The following TRABD2B variants were observed in gnomAD, a reference collection of about 807,000 sequenced individuals.
TRABD2B encodes TraB domain containing 2B.
Under a neutral mutation model 40.1 loss-of-function variants are expected in TRABD2B, and 14 were observed. That is an observed-to-expected ratio of 0.35 (90% confidence interval 0.23 to 0.55). The LOEUF (loss-of-function observed/expected upper bound fraction) is 0.55, where lower values mean the gene tolerates loss of function less well. Ranked by LOEUF, TRABD2B falls within the 20% of genes least tolerant of loss-of-function variation. TRABD2B has a pLI of 0.90. For synonymous variants in TRABD2B, 263 were observed against 277.0 expected, an observed-to-expected ratio of 0.95 and a Z score of 0.50; for missense variants, 541 against 648.6, an observed-to-expected ratio of 0.83 and a Z score of 1.80.
rs185611638 is a variant in TRABD2B, at chr1:47,782,646, C to T, written c.989-4102G>A. ...GGATCTCCTCTTCTTGTAACTCAGC[C>T]CTGCCCCTTGGTGGTGCTCCTCCAG... On this transcript the variant is annotated intron_variant, in intron 4 of 6. Coordinates refer to ENST00000606738, the MANE Select transcript of TRABD2B (RefSeq NM_001194986.2). Among the ~76,000 whole-genome samples, 809 of 152,296 alleles carry T rather than the reference C, an allele frequency of 5.3e-3. 3 individuals are homozygous for T. Among genetic ancestry groups the T allele is most frequent in the Non-Finnish European group, 4.9e-3 (333 of 68,034 alleles).
intron 2 of TRABD2B, among the ~76,000 whole-genome samples, chr1:47,835,087 G>T (rs1201303699): frequency 1.3e-5 from 2 of 152,074 alleles, no homozygotes; most frequent in Non-Finnish European, 2.9e-5. Context: ...TAAATAAACA[G>T]AAATTATTTT....
chr1:47,964,093 G>A (rs1482196897), intron 2 of TRABD2B, among the ~76,000 whole-genome samples: 1 of 152,120 alleles, frequency 6.6e-6, no homozygotes, highest in Non-Finnish European at 1.5e-5. Flanking sequence ...AACAAACCCT[G>A]GTGAAAAGAA....
chr1:47,986,230 A>G (rs1412082032), intron 2 of TRABD2B, among the ~76,000 whole-genome samples: 1 of 152,184 alleles, frequency 6.6e-6, no homozygotes, highest in African/African-American at 2.4e-5. Flanking sequence ...ACAGGGACCC[A>G]TGAATGTTAC....
chr1:47,810,503 G>A (rs1644950189), intron 2 of TRABD2B, among the ~76,000 whole-genome samples: 1 of 152,226 alleles, frequency 6.6e-6, no homozygotes, highest in African/African-American at 2.4e-5. Flanking sequence ...CCCTGAGGCA[G>A]AGCAGGCCTG....
intron 2 of TRABD2B, among the ~76,000 whole-genome samples, chr1:47,812,420 C>T (rs930844351): frequency 1.3e-5 from 2 of 152,130 alleles, no homozygotes; most frequent in African/African-American, 2.4e-5. Context: ...AGATGAGTAG[C>T]GTTGAGAAGG....
At chr1:47,987,121 C>G (rs765007323) in intron 2 of TRABD2B, among the ~76,000 whole-genome samples, 1 of 152,156 alleles carries the variant, frequency 6.6e-6, no homozygotes, top group African/African-American at 2.4e-5. Flanking sequence ...AACAAAGGCA[C>G]GCTCCCATTT....
chr1:47,997,295 C>A lies in TRABD2B; in HGVS notation c.-506G>T. The A allele has an allele frequency of 1.1e-6, 1 of 896,440 alleles. No homozygotes were observed. The highest frequency in any genetic ancestry group is 1.8e-5 in the African/African-American group (1 of 54,402). The allele number at this position is 896,440 out of a possible 1,614,324, so 55.5% of individuals were successfully genotyped here. On this transcript the variant is annotated 5_prime_UTR_variant, in exon 1 of 7. Transcript: ENST00000606738. ...GGCGGCTCTGGGGCGACCGGCTGCC[C>A]CCGAGCCCGGCTCAGAGGGGCGGCG...
At position 47,778,554 on chromosome 1, in the gene TRABD2B, A is replaced by C; in HGVS notation, c.989-10T>G. 1 of 1,533,322 alleles carries C rather than the reference A, an allele frequency of 6.5e-7. No homozygotes were observed. The allele number at this position is 1,533,322 out of a possible 1,614,324, so 95.0% of individuals were successfully genotyped here. ...TTCCCCAGAAAGTGACCTGGAACAC[A>C]AGTGACAAAAGGGGCTCAGCCACAT... is the stretch of plus-strand genomic sequence containing the variant. On this transcript the variant is annotated splice_polypyrimidine_tract_variant and intron_variant, in intron 4 of 6. Coordinates refer to ENST00000606738, the MANE Select transcript of TRABD2B (RefSeq NM_001194986.2).
intron 2 of TRABD2B, among the ~76,000 whole-genome samples, chr1:47,942,748 G>T (rs1645204709): frequency 6.6e-6 from 1 of 152,136 alleles, no homozygotes; most frequent in South Asian, 2.1e-4. Context: ...AACAACCTAG[G>T]AGGCAGATAC....
At chr1:47,816,545 G>C (rs142593687) in intron 2 of TRABD2B, among the ~76,000 whole-genome samples, 1 of 152,090 alleles carries the variant, frequency 6.6e-6, no homozygotes, top group African/African-American at 2.4e-5. Context: ...TGGTCCTTCT[G>C]CCCGGTATGC....
At chr1:47,942,549 G>A (rs1035980596) in intron 2 of TRABD2B, among the ~76,000 whole-genome samples, 1 of 152,092 alleles carries the variant, frequency 6.6e-6, no homozygotes, top group Non-Finnish European at 1.5e-5. Flanking sequence ...ACACTCTCAG[G>A]ACATCCCTCA....
intron 4 of TRABD2B, among the ~76,000 whole-genome samples, chr1:47,782,562 A>G (rs938082828): frequency 2.0e-5 from 3 of 152,010 alleles, no homozygotes; most frequent in Non-Finnish European, 4.4e-5. Context: ...GAGTGAAAAA[A>G]CCTGTTACTC....
At chr1:47,937,997 T>C (rs142500765) in intron 2 of TRABD2B, among the ~76,000 whole-genome samples, 1 of 152,258 alleles carries the variant, frequency 6.6e-6, no homozygotes, top group Non-Finnish European at 1.5e-5. Context: ...TCTCCAACAA[T>C]ATTATGATTC....
chr1:47,963,700 T>C (rs1394749858), intron 2 of TRABD2B, among the ~76,000 whole-genome samples: 6 of 152,242 alleles, frequency 3.9e-5, no homozygotes, highest in Non-Finnish European at 7.3e-5. Flanking sequence ...AGTGCCTTGC[T>C]TGCATGTGTG....
At chr1:47,965,211 T>G (rs1220760235) in intron 2 of TRABD2B, among the ~76,000 whole-genome samples, 2,370 of 9,600 alleles carry the variant, frequency 0.25, 2 homozygotes, top group Admixed American at 0.27. Flanking sequence ...CGGGGGGGGG[T>G]GGAGGGGGGG....
intron 2 of TRABD2B, among the ~76,000 whole-genome samples, chr1:47,970,447 A>G (rs1011206053): frequency 1.3e-5 from 2 of 152,156 alleles, no homozygotes; most frequent in Non-Finnish European, 2.9e-5. Context: ...ACTGACATTT[A>G]AGACCTTCTA....
At chr1:47,906,525 C>T (rs1351430871) in intron 2 of TRABD2B, among the ~76,000 whole-genome samples, 3 of 152,236 alleles carry the variant, frequency 2.0e-5, no homozygotes, top group Non-Finnish European at 4.4e-5. Flanking sequence ...TTCCCCTCTT[C>T]TCAGCTCCAT....
chr1:47,978,421 AGGAGCGATGATGG>A (rs57660089), intron 2 of TRABD2B, among the ~76,000 whole-genome samples: 3,717 of 152,328 alleles, frequency 0.024, 110 homozygotes, highest in Admixed American at 0.088. Flanking sequence ...TCTAAGGCCA[AGGAGCGATGATGG>A]GGCAGCCCTC....
chr1:47,874,705 C>T (rs547163131), intron 2 of TRABD2B, among the ~76,000 whole-genome samples: 8 of 151,610 alleles, frequency 5.3e-5, no homozygotes, highest in African/African-American at 1.5e-4. Flanking sequence ...GTAGTTGGGA[C>T]GACCGACATG....
Sources: allele counts gnomAD v4.1 joint callset (sites outside exome capture counted in the v4.1 genomes callset), GRCh38; gene constraint gnomAD v4.1.1; transcripts MANE v1.5; gene names NCBI Gene and HGNC (gene_info 2026-07-23, HGNC 2026-07-21).